The following PARP8 variants were observed in gnomAD, a reference collection of about 807,000 sequenced individuals.
The protein encoded by PARP8 is protein mono-ADP-ribosyltransferase PARP8.
PARP8 carries 51 observed loss-of-function variants against 124.1 expected under a neutral mutation model. The ratio of observed to expected loss-of-function variants is 0.41; its 90% CI spans 0.33 to 0.52. PARP8 has a LOEUF of 0.52. Ranked by LOEUF, PARP8 falls within the 20% of genes least tolerant of loss-of-function variation. PARP8 has a pLI of 0.21. For synonymous variants in PARP8, 391 were observed against 361.5 expected, an observed-to-expected ratio of 1.08 and a Z score of -0.93; for missense variants, 860 against 1,018.9, an observed-to-expected ratio of 0.84 and a Z score of 2.12.
chr5:50,785,835 C>A (rs1741187309), intron 9 of PARP8, among the ~76,000 whole-genome samples: 1 of 152,136 alleles, frequency 6.6e-6, no homozygotes, highest in African/African-American at 2.4e-5. Context: ...CTATGAGCAA[C>A]ACAATCTTTG....
intron 12 of PARP8, 81 bp from the exon 13 acceptor site, chr5:50,796,901 A>G (rs1742616144): frequency 9.2e-6 from 11 of 1,192,750 alleles, no homozygotes; most frequent in East Asian, 2.6e-5. Flanking sequence ...CGTATTCACT[A>G]TTGCAAAGAG....
intron 2 of PARP8, among the ~76,000 whole-genome samples, chr5:50,703,775 G>A (rs1291485830): frequency 1.3e-5 from 2 of 151,374 alleles, no homozygotes; most frequent in East Asian, 1.9e-4. Flanking sequence ...GCCAGGTGTG[G>A]TGTTGTGCAC....
chr5:50,755,161 C>T (rs1759783790), intron 3 of PARP8, among the ~76,000 whole-genome samples: 1 of 152,144 alleles, frequency 6.6e-6, no homozygotes, highest in Non-Finnish European at 1.5e-5. Context: ...GTTTCTTTTG[C>T]TGTGCAGAAG....
At chr5:50,751,659 G>A (rs1759282767) in intron 3 of PARP8, among the ~76,000 whole-genome samples, 1 of 152,048 alleles carries the variant, frequency 6.6e-6, no homozygotes, top group Non-Finnish European at 1.5e-5. Context: ...AGGCAGAACA[G>A]GGCAGTTTAT....
chr5:50,826,920 G>A, intron 19 of PARP8, 117 bp downstream of exon 19: 1 of 1,380,182 alleles, frequency 7.2e-7, no homozygotes, highest in Non-Finnish European at 9.7e-7. Context: ...AGTAAACCCA[G>A]GTTAAATATA....
intron 2 of PARP8, among the ~76,000 whole-genome samples, chr5:50,704,530 C>G (rs1753932418): frequency 6.6e-6 from 1 of 152,110 alleles, no homozygotes; most frequent in Non-Finnish European, 1.5e-5. Context: ...CTCTACCCTC[C>G]CCCAAATGGT....
At position 50,759,638 on chromosome 5, in the gene PARP8, T is replaced by TTTTTGA; in HGVS notation, c.185-5_185-4insTTTTGA. The TTTTTGA allele has an allele frequency of 1.3e-6, 2 of 1,525,424 alleles. No individual in the cohort carries two copies. The highest frequency in any genetic ancestry group is 1.7e-6 in the Non-Finnish European group (2 of 1,146,252). The allele number at this position is 1,525,424 out of a possible 1,614,324, so 94.5% of individuals were successfully genotyped here. ...TTTCATTATCTTTTTTTTTTTTTTT[T>TTTTTGA]GCAGATAATACATATGTGTCAAGTT... On this transcript the variant is annotated splice_region_variant and splice_polypyrimidine_tract_variant and intron_variant, in intron 3 of 25. Transcript: ENST00000281631.
intron 2 of PARP8, among the ~76,000 whole-genome samples, chr5:50,675,958 C>T (rs1353225507): frequency 6.6e-6 from 1 of 152,114 alleles, no homozygotes; most frequent in African/African-American, 2.4e-5. Context: ...TAGTAATATT[C>T]CTACATTATG....
chr5:50,803,742 T>TCTTG (rs1193715698), intron 14 of PARP8, among the ~76,000 whole-genome samples: 3 of 152,182 alleles, frequency 2.0e-5, no homozygotes, highest in Non-Finnish European at 4.4e-5. Flanking sequence ...TTGAACGTTT[T>TCTTG]AAGTATAGCC....
At chr5:50,824,869 T>G in intron 17 of PARP8, 39 bp from the exon 18 acceptor site, 1 of 1,558,236 alleles carries the variant, frequency 6.4e-7, no homozygotes. Flanking sequence ...AAAAATGAAT[T>G]TTTATGAAAA....
chr5:50,841,867 C>G (rs190057320), intron 25 of PARP8, 99 bp from the exon 26 acceptor site: 1 of 787,002 alleles, frequency 1.3e-6, no homozygotes, highest in Non-Finnish European at 2.0e-6. Flanking sequence ...GCTTTTGATT[C>G]TCTTGGGCTA....
chr5:50,834,201 G>C (rs538362751), intron 24 of PARP8, among the ~76,000 whole-genome samples, 153 bp downstream of exon 24: 7 of 152,130 alleles, frequency 4.6e-5, no homozygotes, highest in African/African-American at 1.4e-4. Flanking sequence ...AACGGGTACC[G>C]TAGAGATCAT....
At chr5:50,785,520 ATCT>A (rs1179805605) in intron 9 of PARP8, among the ~76,000 whole-genome samples, 3 of 152,224 alleles carry the variant, frequency 2.0e-5, no homozygotes, top group Admixed American at 2.0e-4. Context: ...ATCTTCTTAA[ATCT>A]TCTTAGAGAA....
intron 22 of PARP8, among the ~76,000 whole-genome samples, chr5:50,830,280 A>G (rs1172799401): frequency 2.0e-5 from 3 of 152,216 alleles, no homozygotes. Context: ...CACATACATA[A>G]TATCTTTAAG....
At chr5:50,750,282 A>AG (rs1460589933) in intron 3 of PARP8, 94 bp downstream of exon 3, 21 of 1,066,646 alleles carry the variant, frequency 2.0e-5, no homozygotes, top group Admixed American at 4.0e-5. Context: ...AAATATATTG[A>AG]GGGGTGAAAC....
At position 50,788,286 on chromosome 5, in the gene PARP8, ATATAATG is replaced by A. The variant is rs950251259; in HGVS notation, c.671-225_671-219del. Reference sequence around the variant, plus strand: ...AATATAATGTATTATGTATTATACAATATAATGTATAATGTATACAATATAATGTATA... The same window carrying A: ...AATATAATGTATTATGTATTATACAATATAATGTATACAATATAATGTATA... On this transcript the variant is annotated intron_variant, in intron 9 of 25. Transcript: ENST00000281631. 1.8e-4 allele frequency among the ~76,000 whole-genome samples: 26 copies of A among 147,080 alleles called. 1 individual carries two copies. The highest frequency in any genetic ancestry group is 6.3e-4 in the African/African-American group (25 of 39,828).
intron 9 of PARP8, among the ~76,000 whole-genome samples, chr5:50,785,394 C>T (rs753638489): frequency 5.9e-5 from 9 of 152,046 alleles, no homozygotes; most frequent in South Asian, 2.1e-4. Context: ...CAGTTTTCTC[C>T]GGTAAAGGCA....
intron 2 of PARP8, among the ~76,000 whole-genome samples, chr5:50,722,728 G>T (rs1372215161): frequency 6.6e-6 from 1 of 152,098 alleles, no homozygotes; most frequent in Admixed American, 6.6e-5. Flanking sequence ...TTGTTAAAAT[G>T]TTCATGTGTG....
chr5:50,784,000 T>G (rs1298521012), intron 9 of PARP8, among the ~76,000 whole-genome samples: 1 of 152,028 alleles, frequency 6.6e-6, no homozygotes, highest in Non-Finnish European at 1.5e-5. Flanking sequence ...ATATTTTATG[T>G]TTTTTATGAA....
Sources: allele counts gnomAD v4.1 joint callset (sites outside exome capture counted in the v4.1 genomes callset), GRCh38; gene constraint gnomAD v4.1.1; transcripts MANE v1.5; gene names NCBI Gene and HGNC (gene_info 2026-07-23, HGNC 2026-07-21).